NNT: variants seen among roughly 807,000 people sequenced by gnomAD.
NNT encodes the protein NAD(P) transhydrogenase, mitochondrial.
A neutral mutation model predicts 104.8 loss-of-function variants in NNT; 50 were observed. The observed-to-expected ratio is 0.48, with a 90% confidence interval of 0.38 to 0.60. NNT has a LOEUF of 0.60. Among genes scored for constraint, NNT ranks in the 20% least tolerant of loss-of-function variants. The probability of loss-of-function intolerance (pLI) is 0.00; values close to 1 mark genes in which losing one functional copy is unlikely to be tolerated. For missense variants in NNT, 1,131 were observed against 1,330.7 expected, an observed-to-expected ratio of 0.85 and a Z score of 2.33; for synonymous variants, 461 against 490.4, an observed-to-expected ratio of 0.94 and a Z score of 0.79.
At chr5:43,628,480 T>C in intron 7 of NNT, 93 bp downstream of exon 7, 1 of 999,920 alleles carries the variant, frequency 1.0e-6, no homozygotes, top group Non-Finnish European at 1.4e-6. Flanking sequence ...CATTTGAATT[T>C]CTTTAAGGAA....
intron 17 of NNT, chr5:43,667,215 G>A (rs1185327226): frequency 8.0e-7 from 1 of 1,246,570 alleles, no homozygotes; most frequent in Non-Finnish European, 1.2e-6. Context: ...GTGTAGTGTG[G>A]TTCTTGGACT....
chr5:43,669,080 T>G (rs1740887468), intron 17 of NNT, among the ~76,000 whole-genome samples: 1 of 152,196 alleles, frequency 6.6e-6, no homozygotes, highest in South Asian at 2.1e-4. Context: ...GGCTCTCTGT[T>G]TGTCTGTTAT....
intron 2 of NNT, among the ~76,000 whole-genome samples, chr5:43,609,599 C>T (rs182209764): frequency 4.4e-4 from 67 of 152,368 alleles, no homozygotes; most frequent in African/African-American, 1.6e-3. Context: ...GTTGAGTTGT[C>T]CCTGGAGCCT....
intron 14 of NNT, among the ~76,000 whole-genome samples, 198 bp from the exon 15 acceptor site, chr5:43,655,642 T>C (rs928916654): frequency 7.2e-5 from 11 of 152,090 alleles, no homozygotes; most frequent in African/African-American, 2.4e-4. Context: ...CCCAAGCATA[T>C]CAGATAAGGG....
chr5:43,613,083 AG>A lies in NNT; in HGVS notation c.329del (p.Gly110ValfsTer28). 2 of 1,613,998 alleles carry A rather than the reference AG, an allele frequency of 1.2e-6. No homozygotes were observed. The highest frequency in any genetic ancestry group is 1.7e-6 in the Non-Finnish European group (2 of 1,179,928). On this transcript the variant is annotated frameshift_variant, in exon 3 of 22. Transcript: ENST00000344920. LOFTEE classifies it high-confidence loss of function. ...TCTCAGATGATCACTATAGAGTGGCAGGTGCCCAAATCCAAGGGGCAAAGGA... is the reference window on the plus strand; with the variant it reads ...TCTCAGATGATCACTATAGAGTGGCAGTGCCCAAATCCAAGGGGCAAAGGA... The part of the protein sequence containing the change: ...KFSDDHYRVA[G>X]AQIQGAKEVL...
chr5:43,655,558 T>G (rs1304280356), intron 14 of NNT, among the ~76,000 whole-genome samples: 1 of 152,204 alleles, frequency 6.6e-6, no homozygotes, highest in Non-Finnish European at 1.5e-5. Context: ...CTGGGTCCCA[T>G]TCCCAAGATA....
At position 43,656,879 on chromosome 5, in the gene NNT, G is replaced by C. The variant is rs926944724; in HGVS notation, c.2454+66G>C. The C allele has an allele frequency of 1.8e-5, 26 of 1,446,188 alleles. No homozygotes were observed. The African/African-American group carries it at 3.7e-4, about 20-fold the overall frequency. The allele number at this position is 1,446,188 out of a possible 1,614,324, so 89.6% of individuals were successfully genotyped here. A position where few individuals can be genotyped will look rare whatever the true frequency, so the allele number is the denominator to read the frequency against. ...ACTGGGAATATTTTGTTAGATTAAA[G>C]TGTAATCATATTTTTATCTCTTCAA... is the stretch of plus-strand genomic sequence containing the variant. On this transcript the variant is annotated intron_variant, in intron 16 of 21. Coordinates refer to ENST00000344920, the MANE Select transcript of NNT (RefSeq NM_182977.3).
chr5:43,685,030 G>A (rs148300424), intron 19 of NNT, among the ~76,000 whole-genome samples: 3 of 152,250 alleles, frequency 2.0e-5, no homozygotes, highest in African/African-American at 7.2e-5. Context: ...TTTCCAGCCT[G>A]TTTTTGGGAC....
intron 1 of NNT, among the ~76,000 whole-genome samples, chr5:43,608,622 G>C (rs1749346072): frequency 6.6e-6 from 1 of 152,216 alleles, no homozygotes; most frequent in Non-Finnish European, 1.5e-5. Flanking sequence ...AGAGGTCTCA[G>C]TGGATAAGCA....
At chr5:43,653,707 C>G (rs1160689973) in intron 14 of NNT, 1 of 152,188 alleles carries the variant, frequency 6.6e-6, no homozygotes, top group Non-Finnish European at 1.5e-5. Context: ...GTAATCCCAG[C>G]ACTTTGGGAG....
chr5:43,704,390 T>C lies in NNT; in HGVS notation c.3247T>C (p.Ser1083Pro), dbSNP rs1743011355. ...CDALQAKVRESYQK is the reference protein window; with the variant it reads ...CDALQAKVREPYQK Reference sequence around the variant, plus strand: ...CGCGCTCCAGGCGAAAGTTAGAGAATCCTATCAGAAGTAAATATTAAGGAT... The same window carrying C: ...CGCGCTCCAGGCGAAAGTTAGAGAACCCTATCAGAAGTAAATATTAAGGAT... The change falls in exon 22 of 22, where the codon TCC becomes CCC. Residue 1083 changes from serine to proline, a missense_variant. Physicochemically the swap from Ser to Pro is moderately conservative, Grantham distance 74. Transcript: ENST00000344920. 2 of 1,613,638 alleles carry C rather than the reference T, an allele frequency of 1.2e-6. No individual in the cohort carries two copies. The highest frequency in any genetic ancestry group is 1.7e-6 in the Non-Finnish European group (2 of 1,179,666).
At chr5:43,673,200 G>T (rs1246337394) in intron 17 of NNT, among the ~76,000 whole-genome samples, 1 of 152,206 alleles carries the variant, frequency 6.6e-6, no homozygotes, top group African/African-American at 2.4e-5. Flanking sequence ...CCCTTGGCTA[G>T]GAAAGGGTAT....
chr5:43,650,418 T>G, intron 11 of NNT, 59 bp from the exon 12 acceptor site: 27 of 1,216,016 alleles, frequency 2.2e-5, no homozygotes, highest in Non-Finnish European at 3.2e-5. Flanking sequence ...ACTTCAGCTA[T>G]GATATTTGAT....
At chr5:43,687,980 T>C (rs1013027944) in intron 19 of NNT, among the ~76,000 whole-genome samples, 1 of 152,138 alleles carries the variant, frequency 6.6e-6, no homozygotes, top group African/African-American at 2.4e-5. Flanking sequence ...CAAGGAAGGA[T>C]ATAAAATTGA....
rs1378556566 is a variant in NNT, at chr5:43,649,452, C to T, written c.1606+144C>T. 5.3e-5 allele frequency: 49 copies of T among 921,512 alleles called. 1 individual carries two copies. The South Asian group carries it at 7.0e-4, about 13-fold the overall frequency. The allele number at this position is 921,512 out of a possible 1,614,324, so 57.1% of individuals were successfully genotyped here. ...CATCTGCTTTGGTGATCTAAGGGCT[C>T]CCAGACTCTGAGAGGGTATGGGATA... is the stretch of plus-strand genomic sequence containing the variant. On this transcript the variant is annotated intron_variant, in intron 11 of 21. Coordinates refer to ENST00000344920, the MANE Select transcript of NNT (RefSeq NM_182977.3).
rs753686530 is a variant in NNT, at chr5:43,656,655, C to T, written c.2296C>T (p.Leu766Phe). ...SLIAYGKLQGLLKSAPLLLPG... is the reference protein window; with the variant it reads ...SLIAYGKLQGFLKSAPLLLPG... ...AACTACTATGTGCTTGGCTCTAGGT[C>T]TCCTGAAATCTGCCCCTCTCCTACT... The change falls in exon 16 of 22, where the codon CTC (leucine) becomes TTC (phenylalanine). Residue 766 changes from leucine (L) to phenylalanine (F), a missense_variant and splice_region_variant. Physicochemically the swap from Leu to Phe is conservative, Grantham distance 22 (BLOSUM62 0). Transcript: ENST00000344920. The T allele has an allele frequency of 1.2e-6, 2 of 1,608,322 alleles. No homozygotes were observed. Among genetic ancestry groups the T allele is most frequent in the Middle Eastern group, 1.7e-4 (1 of 6,048 alleles).
chr5:43,619,010 A>C, intron 4 of NNT, 22 bp from the exon 5 acceptor site: 1 of 1,289,806 alleles, frequency 7.8e-7, no homozygotes, highest in Non-Finnish European at 1.0e-6. Context: ...TTATTTATTT[A>C]TTTATTTATT....
chr5:43,678,155 T>A (rs1741518987), intron 19 of NNT, among the ~76,000 whole-genome samples: 1 of 152,212 alleles, frequency 6.6e-6, no homozygotes, highest in African/African-American at 2.4e-5. Flanking sequence ...GTTTTCATCC[T>A]TGTCTTTACG....
chr5:43,685,328 A>G (rs1291342286), intron 19 of NNT, among the ~76,000 whole-genome samples: 2 of 152,204 alleles, frequency 1.3e-5, no homozygotes, highest in Admixed American at 1.3e-4. Flanking sequence ...GAATTCCAAA[A>G]TGCTATCAGT....
Sources: gnomAD v4.1 joint callset for allele counts (sites outside exome capture counted in the v4.1 genomes callset) on GRCh38, gnomAD v4.1.1 for gene constraint, MANE v1.5 for transcripts, NCBI Gene and HGNC (gene_info 2026-07-23, HGNC 2026-07-21) for gene names.